CSMD1: variants seen among roughly 807,000 people sequenced by gnomAD.
The protein encoded by CSMD1 is CUB and sushi domain-containing protein 1.
Under a neutral mutation model 417.5 loss-of-function variants are expected in CSMD1, and 213 were observed. That is an observed-to-expected ratio of 0.51 (90% CI 0.46 to 0.57). The LOEUF is 0.57. Among genes scored for constraint, CSMD1 ranks in the 20% least tolerant of loss-of-function variants. The probability of loss-of-function intolerance (pLI) is 0.00; values close to 1 mark genes in which losing one functional copy is unlikely to be tolerated. For missense variants in CSMD1, 6,923 were observed against 4,529.7 expected, an observed-to-expected ratio of 1.53 and a Z score of -15.17; for synonymous variants, 2,862 against 1,736.8, an observed-to-expected ratio of 1.65 and a Z score of -16.11.
intron 26 of CSMD1, among the ~76,000 whole-genome samples, chr8:3,274,847 A>C (rs1234868097): frequency 1.3e-5 from 2 of 152,002 alleles, no homozygotes; most frequent in South Asian, 4.1e-4. Context: ...GTGTTTCCTG[A>C]ATAGTGCACA....
At chr8:4,441,846 A>G (rs892447595) in intron 2 of CSMD1, among the ~76,000 whole-genome samples, 1 of 152,202 alleles carries the variant, frequency 6.6e-6, no homozygotes, top group African/African-American at 2.4e-5. Context: ...AAAAGCATGA[A>G]CGAAAATTCC....
At chr8:3,308,573 C>G (rs73503707) in intron 23 of CSMD1, 70 bp from the exon 24 acceptor site, 2 of 1,281,144 alleles carry the variant, frequency 1.6e-6, no homozygotes, top group Non-Finnish European at 2.2e-6. Flanking sequence ...AGAGATGAAA[C>G]AAACAAGGTT....
At chr8:4,816,841 G>A (rs1325041816) in intron 1 of CSMD1, among the ~76,000 whole-genome samples, 2 of 152,084 alleles carry the variant, frequency 1.3e-5, no homozygotes, top group Non-Finnish European at 2.9e-5. Flanking sequence ...GGCAATTAAT[G>A]GTATACAGGA....
intron 3 of CSMD1, among the ~76,000 whole-genome samples, chr8:4,337,553 A>G (rs1318510970): frequency 1.3e-5 from 2 of 152,156 alleles, no homozygotes; most frequent in Non-Finnish European, 2.9e-5. Context: ...AAACTCAGCG[A>G]TGAAGTACAT....
intron 3 of CSMD1, among the ~76,000 whole-genome samples, chr8:4,205,824 C>G (rs753459221): frequency 6.6e-6 from 1 of 151,956 alleles, no homozygotes; most frequent in Non-Finnish European, 1.5e-5. Flanking sequence ...GAAAATTCTC[C>G]CCCATTAACA....
intron 11 of CSMD1, among the ~76,000 whole-genome samples, chr8:3,488,063 A>C (rs1375240174): frequency 1.3e-5 from 2 of 150,272 alleles, no homozygotes; most frequent in African/African-American, 5.0e-5. Context: ...AACTCAAACC[A>C]AATAAATGTT....
chr8:4,164,429 G>C (rs958634080), intron 3 of CSMD1, among the ~76,000 whole-genome samples: 1 of 152,106 alleles, frequency 6.6e-6, no homozygotes, highest in African/African-American at 2.4e-5. Context: ...GAGGGTTGCA[G>C]GTGACCTCTG....
chr8:4,654,025 A>C (rs985090042), intron 1 of CSMD1, among the ~76,000 whole-genome samples: 2 of 152,104 alleles, frequency 1.3e-5, no homozygotes, highest in Non-Finnish European at 2.9e-5. Flanking sequence ...ACCTGAATTG[A>C]CTTCAGATGT....
chr8:4,606,378 C>T (rs1255626983), intron 2 of CSMD1, among the ~76,000 whole-genome samples: 1 of 151,994 alleles, frequency 6.6e-6, no homozygotes, highest in Non-Finnish European at 1.5e-5. Flanking sequence ...AGAGTTCTTT[C>T]TGTGCCAGAG....
chr8:3,579,398 T>C (rs1174125494), intron 9 of CSMD1, among the ~76,000 whole-genome samples: 1 of 152,232 alleles, frequency 6.6e-6, no homozygotes, highest in African/African-American at 2.4e-5. Context: ...TATGGTTCTA[T>C]AGTAACTACT....
At chr8:4,097,098 G>T (rs981067229) in intron 3 of CSMD1, among the ~76,000 whole-genome samples, 2 of 151,990 alleles carry the variant, frequency 1.3e-5, no homozygotes, top group African/African-American at 4.8e-5. Context: ...AAAGAAGCAC[G>T]GCTGTGCCTT....
intron 3 of CSMD1, among the ~76,000 whole-genome samples, chr8:4,166,660 C>T (rs866313688): frequency 6.6e-6 from 1 of 152,086 alleles, no homozygotes; most frequent in Admixed American, 6.6e-5. Flanking sequence ...ACCGTGTACA[C>T]TGCTGGGGTG....
chr8:4,017,488 T>C (rs1479777137), intron 4 of CSMD1, among the ~76,000 whole-genome samples: 1 of 152,094 alleles, frequency 6.6e-6, no homozygotes, highest in Non-Finnish European at 1.5e-5. Context: ...GTTTTTTTAG[T>C]AGAGACGGGG....
intron 3 of CSMD1, among the ~76,000 whole-genome samples, chr8:4,136,778 G>C (rs770337415): frequency 1.3e-5 from 2 of 152,126 alleles, no homozygotes; most frequent in Non-Finnish European, 2.9e-5. Flanking sequence ...ATAATGATTA[G>C]TTTGTTGGAC....
At chr8:4,824,630 C>A (rs974033442) in intron 1 of CSMD1, among the ~76,000 whole-genome samples, 2 of 152,044 alleles carry the variant, frequency 1.3e-5, no homozygotes, top group East Asian at 3.9e-4. Context: ...TATGTGTGTG[C>A]GAACACACCC....
intron 2 of CSMD1, among the ~76,000 whole-genome samples, chr8:4,476,995 G>A (rs1800835875): frequency 6.6e-6 from 1 of 152,336 alleles, no homozygotes; most frequent in East Asian, 1.9e-4. Flanking sequence ...TGGCTGCCTA[G>A]GATGGACAGG....
At position 4,650,348 on chromosome 8, in the gene CSMD1, A is replaced by G. The variant is rs564308910; in HGVS notation, c.86-12790T>C. 1.3e-3 allele frequency among the ~76,000 whole-genome samples: 51 copies of G among 38,076 alleles called. No individual in the cohort carries two copies. In the South Asian group the frequency reaches 0.03, roughly 23 times the overall value. The allele number at this position is 38,076 out of a possible 152,430, so 25.0% of individuals were successfully genotyped here. On this transcript the variant is annotated intron_variant, in intron 1 of 69. Transcript: ENST00000635120. ...CAGCAGTACGAGACTCCGTCTCAAG[A>G]AAAAAAAAAAAAAAAAAAAAAAAAA... is the stretch of plus-strand genomic sequence containing the variant.
rs186948197 is a variant in CSMD1 at position 3,078,139 on chromosome 8, T to C, written c.7474+8958A>G. ...AGTTGATCTCTATTAGCCACTCTTA[T>C]GCATAGGACCCTTGATTCTTTTATA... On this transcript the variant is annotated intron_variant, in intron 49 of 69. Coordinates refer to ENST00000635120, the MANE Select transcript of CSMD1 (RefSeq NM_033225.6). Among the ~76,000 whole-genome samples, 710 of 152,364 alleles carry C rather than the reference T, an allele frequency of 4.7e-3. 7 individuals carry two copies. The highest frequency in any genetic ancestry group is 8.8e-3 in the Admixed American group (135 of 15,314).
chr8:4,218,207 T>C (rs1800801206), intron 3 of CSMD1, among the ~76,000 whole-genome samples: 1 of 152,198 alleles, frequency 6.6e-6, no homozygotes, highest in Non-Finnish European at 1.5e-5. Context: ...TTGTTGGCAC[T>C]TTGCTCATTT....
Sources: gnomAD v4.1 joint callset for allele counts (sites outside exome capture counted in the v4.1 genomes callset) on GRCh38, gnomAD v4.1.1 for gene constraint, MANE v1.5 for transcripts, NCBI Gene and HGNC (gene_info 2026-07-23, HGNC 2026-07-21) for gene names.